Variants in PLD5 observed in about 807,000 individuals in gnomAD.
PLD5 encodes inactive phospholipase D5.
PLD5 carries 36 observed loss-of-function variants against 61.1 expected under a neutral mutation model. That is an observed-to-expected ratio of 0.59 (90% CI 0.45 to 0.78). PLD5 has a LOEUF of 0.78. Ranked by LOEUF, PLD5 falls within the 30% of genes least tolerant of loss-of-function variation. PLD5 has a pLI of 0.00. For missense variants in PLD5, 515 were observed against 644.4 expected (o/e 0.80, Z 2.17); for synonymous variants, 243 against 242.8 (o/e 1.00, Z -0.01).
intron 7 of PLD5, among the ~76,000 whole-genome samples, chr1:242,110,107 T>C (rs1661370243): frequency 6.7e-6 from 1 of 148,668 alleles, no homozygotes; most frequent in Non-Finnish European, 1.5e-5. Context: ...TATATTATCA[T>C]AAAGGCCATT....
chr1:242,468,750 T>C (rs1217857363), intron 1 of PLD5, among the ~76,000 whole-genome samples: 2 of 151,970 alleles, frequency 1.3e-5, no homozygotes, highest in Non-Finnish European at 2.9e-5. Flanking sequence ...TTCCCATCAA[T>C]TTCTTTGATG....
chr1:242,159,609 C>T lies in PLD5; in HGVS notation c.736-34944G>A, dbSNP rs561036495. Among the ~76,000 whole-genome samples the T allele has an allele frequency of 8.8e-4, 134 of 152,244 alleles. 2 individuals carry two copies. Among genetic ancestry groups the T allele is most frequent in the Non-Finnish European group, 9.0e-4 (61 of 68,010 alleles). On this transcript the variant is annotated intron_variant, in intron 5 of 9. Coordinates refer to ENST00000536534, the MANE Select transcript of PLD5 (RefSeq NM_001372062.1). Reference sequence around the variant, plus strand: ...CGTGATCCCGCCCCAGACCTCCACCCATAGGTCTGTAATCACTGGGTATAT... The same window carrying T: ...CGTGATCCCGCCCCAGACCTCCACCTATAGGTCTGTAATCACTGGGTATAT...
intron 1 of PLD5, among the ~76,000 whole-genome samples, chr1:242,372,990 A>G (rs1218911919): frequency 1.3e-5 from 2 of 152,210 alleles, no homozygotes; most frequent in Non-Finnish European, 2.9e-5. Flanking sequence ...AGAAACTACC[A>G]TCAGAGTGAA....
intron 5 of PLD5, among the ~76,000 whole-genome samples, chr1:242,138,099 C>CA (rs1663883869): frequency 6.6e-6 from 1 of 152,140 alleles, no homozygotes; most frequent in African/African-American, 2.4e-5. Flanking sequence ...ATCTTACAAG[C>CA]AATGCAATTT....
intron 5 of PLD5, among the ~76,000 whole-genome samples, chr1:242,200,801 G>C (rs1207424375): frequency 6.6e-6 from 1 of 152,196 alleles, no homozygotes; most frequent in South Asian, 2.1e-4. Flanking sequence ...AGGGGTGCAA[G>C]TGAAGATTAA....
At chr1:242,459,638 C>T (rs536235685) in intron 1 of PLD5, among the ~76,000 whole-genome samples, 20 of 152,148 alleles carry the variant, frequency 1.3e-4, no homozygotes, top group Non-Finnish European at 2.4e-4. Context: ...ATTGTAAATA[C>T]AAAATTGCAC....
chr1:242,236,130 A>T (rs2149048006), intron 4 of PLD5, among the ~76,000 whole-genome samples: 1 of 152,312 alleles, frequency 6.6e-6, no homozygotes, highest in South Asian at 2.1e-4. Flanking sequence ...CCACACAAGG[A>T]CACAGTGAGA....
At chr1:242,396,696 C>G (rs569557784) in intron 1 of PLD5, among the ~76,000 whole-genome samples, 5 of 113,030 alleles carry the variant, frequency 4.4e-5, no homozygotes, top group African/African-American at 1.8e-4. Flanking sequence ...TTTTTTGAGA[C>G]GGAGTCTCAC....
intron 1 of PLD5, among the ~76,000 whole-genome samples, chr1:242,431,686 T>C (rs899635708): frequency 6.6e-6 from 1 of 152,164 alleles, no homozygotes; most frequent in African/African-American, 2.4e-5. Flanking sequence ...GTAATAGAAA[T>C]TTAAGTCACA....
At chr1:242,137,594 G>A (rs1310318769) in intron 5 of PLD5, among the ~76,000 whole-genome samples, 1 of 152,138 alleles carries the variant, frequency 6.6e-6, no homozygotes, top group East Asian at 1.9e-4. Context: ...ATGTGTTGAA[G>A]ATTTTCCATT....
intron 9 of PLD5, among the ~76,000 whole-genome samples, chr1:242,096,347 T>C (rs1660225376): frequency 6.6e-6 from 1 of 151,740 alleles, no homozygotes; most frequent in South Asian, 2.1e-4. Flanking sequence ...CTTTCTCTTT[T>C]TCTTTCCCTC....
intron 4 of PLD5, among the ~76,000 whole-genome samples, chr1:242,263,360 C>A (rs1673480459): frequency 6.6e-6 from 1 of 151,720 alleles, no homozygotes; most frequent in Non-Finnish European, 1.5e-5. Context: ...AGAATCCCTC[C>A]CCTGCAAAAA....
rs1449584685 is a variant in PLD5, at chr1:242,084,753, T to TTTG, written c.*5100_*5101insCAA. 1.2e-5 allele frequency: 1 copy of TTTG among 84,654 alleles called. No individual in the cohort carries two copies. Among genetic ancestry groups the TTTG allele is most frequent in the East Asian group, 2.4e-4 (1 of 4,160 alleles). 5.2% of individuals were successfully genotyped at this position (84,654 alleles called of 1,614,324 possible). On this transcript the variant is annotated 3_prime_UTR_variant, in exon 10 of 10. Transcript: ENST00000536534. ...AGAATGAACATTTATTGGAAAGGTT[T>TTTG]TTTTTTTTTTTTTTTTTTTTTTTTT...
intron 5 of PLD5, among the ~76,000 whole-genome samples, chr1:242,179,599 T>C (rs189505583): frequency 3.9e-5 from 6 of 152,214 alleles, no homozygotes; most frequent in Admixed American, 2.0e-4. Flanking sequence ...GTAGGTAGTA[T>C]AGGTAGAATT....
chr1:242,129,135 G>A (rs1663036955), intron 5 of PLD5, among the ~76,000 whole-genome samples: 1 of 152,150 alleles, frequency 6.6e-6, no homozygotes, highest in South Asian at 2.1e-4. Context: ...CCTGGGTACT[G>A]TCTAGATTTT....
intron 2 of PLD5, among the ~76,000 whole-genome samples, chr1:242,335,835 A>G (rs1435274424): frequency 6.6e-6 from 1 of 152,232 alleles, no homozygotes; most frequent in Non-Finnish European, 1.5e-5. Flanking sequence ...CCACAAATTG[A>G]TATTTCTAAT....
At chr1:242,227,308 A>T (rs191235531) in intron 4 of PLD5, among the ~76,000 whole-genome samples, 6 of 151,640 alleles carry the variant, frequency 4.0e-5, no homozygotes, top group Admixed American at 3.3e-4. Flanking sequence ...CCATAGCCTC[A>T]TAAGTAGCTG....
chr1:242,433,829 C>T (rs1572142875), intron 1 of PLD5, among the ~76,000 whole-genome samples: 1 of 152,152 alleles, frequency 6.6e-6, no homozygotes, highest in African/African-American at 2.4e-5. Context: ...ATCGCCCAGA[C>T]AGAAGGAAGA....
chr1:242,304,765 T>G (rs888805463), intron 2 of PLD5, among the ~76,000 whole-genome samples: 125 of 152,356 alleles, frequency 8.2e-4, no homozygotes, highest in African/African-American at 3.0e-3. Context: ...AGAACAGATT[T>G]CTTCATTGAA....
Sources: allele counts gnomAD v4.1 joint callset (sites outside exome capture counted in the v4.1 genomes callset), GRCh38; gene constraint gnomAD v4.1.1; transcripts MANE v1.5; gene names NCBI Gene and HGNC (gene_info 2026-07-23, HGNC 2026-07-21).